Variants in KLHL32 observed in about 807,000 individuals in gnomAD.
KLHL32 encodes the protein kelch-like protein 32.
A neutral mutation model predicts 64.8 loss-of-function variants in KLHL32; 35 were observed. The observed-to-expected ratio is 0.54, with a 90% CI of 0.41 to 0.72. The LOEUF (loss-of-function observed/expected upper bound fraction) is 0.72, where lower values mean the gene tolerates loss of function less well. Ranked by LOEUF, KLHL32 falls within the 30% of genes least tolerant of loss-of-function variation. The pLI, the probability that KLHL32 is intolerant of heterozygous loss-of-function variation, is 0.00. For synonymous variants in KLHL32, 259 were observed against 281.0 expected (o/e 0.92, Z 0.78); for missense variants, 589 against 768.5 (o/e 0.77, Z 2.76).
chr6:97,017,185 GA>G (rs375400107), intron 3 of KLHL32, among the ~76,000 whole-genome samples: 3 of 151,892 alleles, frequency 2.0e-5, no homozygotes, highest in African/African-American at 7.3e-5. Flanking sequence ...AAAGAAAAAA[GA>G]AAAAAAATCC....
chr6:97,085,258 G>A lies in KLHL32; in HGVS notation c.544G>A (p.Val182Ile). The change falls in exon 6 of 11, where the codon GTT (valine) becomes ATT (isoleucine). Residue 182 changes from valine (V) to isoleucine (I), a missense_variant. By Grantham distance (29) the Val-to-Ile change is conservative. Coordinates refer to ENST00000369261, the MANE Select transcript of KLHL32 (RefSeq NM_052904.4). ...ACTCCTGAAGAGCCGCCCAGAAGAA[G>A]TTCTAACGCTTCCCTATTGCCTGCT... is the stretch of plus-strand genomic sequence containing the variant. Reference protein sequence around the residue: ...SELLKSRPEEVLTLPYCLLQE... With the variant: ...SELLKSRPEEILTLPYCLLQE... The A allele has an allele frequency of 6.2e-7, 1 of 1,613,898 alleles. No homozygotes were observed. Among genetic ancestry groups the A allele is most frequent in the Non-Finnish European group, 8.5e-7 (1 of 1,180,020 alleles).
chr6:97,022,470 AT>A (rs145998879), intron 3 of KLHL32, among the ~76,000 whole-genome samples: 3,624 of 138,790 alleles, frequency 0.026, 58 homozygotes, highest in Non-Finnish European at 0.034. Context: ...ATAACACCTA[AT>A]TTTTTTTTTT....
At chr6:97,001,146 C>T (rs562452651) in intron 3 of KLHL32, among the ~76,000 whole-genome samples, 77 of 152,270 alleles carry the variant, frequency 5.1e-4, no homozygotes, top group African/African-American at 1.8e-3. Context: ...GAATATACAA[C>T]ACCAGGAGTG....
chr6:97,131,557 C>A (rs770684466), intron 9 of KLHL32, among the ~76,000 whole-genome samples: 3 of 152,168 alleles, frequency 2.0e-5, no homozygotes, highest in Non-Finnish European at 4.4e-5. Flanking sequence ...GAACAACTTA[C>A]CCCTCATGTT....
At chr6:97,106,584 A>G (rs1002829520) in intron 6 of KLHL32, among the ~76,000 whole-genome samples, 12 of 152,078 alleles carry the variant, frequency 7.9e-5, no homozygotes, top group African/African-American at 2.9e-4. Context: ...TTCTACTAAA[A>G]ATACAAAAAA....
intron 6 of KLHL32, 121 bp from the exon 7 acceptor site, chr6:97,113,662 T>C: frequency 7.8e-7 from 1 of 1,286,704 alleles, no homozygotes. Context: ...GTTATACTGT[T>C]TGTAAGAAAG....
intron 4 of KLHL32, among the ~76,000 whole-genome samples, chr6:97,063,845 C>A (rs1789297488): frequency 6.6e-6 from 1 of 152,180 alleles, no homozygotes; most frequent in Admixed American, 6.5e-5. Flanking sequence ...TCACTAAAGG[C>A]CTCCTTGCAC....
At chr6:97,072,007 A>C (rs111701676) in intron 5 of KLHL32, among the ~76,000 whole-genome samples, 1 of 152,086 alleles carries the variant, frequency 6.6e-6, no homozygotes, top group Admixed American at 6.6e-5. Context: ...AATGTACCCT[A>C]TTCTGACTGT....
Position 97,080,035 on chromosome 6 carries a change from T to G in KLHL32, c.412-5091T>G, listed in dbSNP as rs527838166. On this transcript the variant is annotated intron_variant, in intron 5 of 10. Coordinates refer to ENST00000369261, the MANE Select transcript of KLHL32 (RefSeq NM_052904.4). ...GAAAAAGTATCATTTGAAAAGATATTAAAATCTTTTGATCTAAGTAGCCAA... is the reference window on the plus strand; with the variant it reads ...GAAAAAGTATCATTTGAAAAGATATGAAAATCTTTTGATCTAAGTAGCCAA... Among the ~76,000 whole-genome samples, 14 of 152,344 alleles carry G rather than the reference T, an allele frequency of 9.2e-5. 2 individuals are homozygous for G. The South Asian group carries it at 2.3e-3, about 25-fold the overall frequency.
At chr6:96,968,728 A>G (rs1204468892) in intron 2 of KLHL32, among the ~76,000 whole-genome samples, 2 of 152,132 alleles carry the variant, frequency 1.3e-5, no homozygotes, top group Non-Finnish European at 2.9e-5. Flanking sequence ...ACACAACCAC[A>G]TGCTCTGCTG....
intron 7 of KLHL32, among the ~76,000 whole-genome samples, chr6:97,114,998 A>C (rs766240958): frequency 1.3e-5 from 2 of 152,190 alleles, no homozygotes; most frequent in Non-Finnish European, 2.9e-5. Flanking sequence ...GAAGGGATTT[A>C]AGTTACCAAA....
chr6:97,037,840 T>C (rs569539290), intron 3 of KLHL32, among the ~76,000 whole-genome samples: 1 of 152,184 alleles, frequency 6.6e-6, no homozygotes, highest in East Asian at 1.9e-4. Context: ...ATCAATGGAA[T>C]AGAATAGGGA....
chr6:96,935,587 A>T (rs1342003090), intron 1 of KLHL32, among the ~76,000 whole-genome samples: 1 of 152,292 alleles, frequency 6.6e-6, no homozygotes, highest in Non-Finnish European at 1.5e-5. Flanking sequence ...GGTGGTTAGT[A>T]TTGGGCCATC....
chr6:97,115,344 T>A (rs889335746), intron 7 of KLHL32, among the ~76,000 whole-genome samples: 28 of 152,352 alleles, frequency 1.8e-4, no homozygotes, highest in African/African-American at 5.5e-4. Context: ...TTTTTAATTA[T>A]CCGTGAATGG....
intron 6 of KLHL32, among the ~76,000 whole-genome samples, chr6:97,101,714 G>T (rs549700381): frequency 2.6e-5 from 4 of 152,166 alleles, no homozygotes; most frequent in Admixed American, 2.6e-4. Flanking sequence ...GTTTATTTGT[G>T]TGAAATATGG....
chr6:96,988,172 C>A (rs1446847189), intron 3 of KLHL32, among the ~76,000 whole-genome samples: 1 of 152,162 alleles, frequency 6.6e-6, no homozygotes, highest in Non-Finnish European at 1.5e-5. Flanking sequence ...AGGCAACCTA[C>A]AGAATGGGAG....
intron 7 of KLHL32, among the ~76,000 whole-genome samples, chr6:97,123,481 T>G (rs1313440782): frequency 6.6e-6 from 1 of 152,160 alleles, no homozygotes; most frequent in East Asian, 1.9e-4. Context: ...AAGACTTATT[T>G]GACTTTGGGG....
intron 1 of KLHL32, among the ~76,000 whole-genome samples, chr6:96,966,506 C>T (rs1412126172): frequency 2.6e-5 from 4 of 152,066 alleles, no homozygotes; most frequent in African/African-American, 9.7e-5. Context: ...GTTATTTTTT[C>T]CACCTACTTT....
intron 5 of KLHL32, among the ~76,000 whole-genome samples, chr6:97,068,328 T>C (rs1477580348): frequency 1.3e-5 from 2 of 152,176 alleles, no homozygotes; most frequent in East Asian, 3.8e-4. Context: ...CATGTAGACT[T>C]TTCAAATAAA....
Sources: allele counts gnomAD v4.1 joint callset (sites outside exome capture counted in the v4.1 genomes callset), GRCh38; gene constraint gnomAD v4.1.1; transcripts MANE v1.5; gene names NCBI Gene and HGNC (gene_info 2026-07-23, HGNC 2026-07-21).